The following TEAD1 variants were observed in gnomAD, a reference collection of about 807,000 sequenced individuals.
TEAD1 encodes the protein TEA domain transcription factor 1, also known as transcriptional enhancer factor TEF-1.
A neutral mutation model predicts 54.9 loss-of-function variants in TEAD1; 9 were observed. The ratio of observed to expected loss-of-function variants is 0.16; its 90% CI spans 0.10 to 0.29. TEAD1 has a LOEUF of 0.29. Ranked by LOEUF, TEAD1 falls within the 10% of genes least tolerant of loss-of-function variation. The pLI is 1.00. For missense variants in TEAD1, 387 were observed against 535.9 expected, an observed-to-expected ratio of 0.72 and a Z score of 2.74; for synonymous variants, 200 against 187.8, an observed-to-expected ratio of 1.07 and a Z score of -0.53.
intron 2 of TEAD1, among the ~76,000 whole-genome samples, chr11:12,687,819 G>A (rs1325123814): frequency 6.6e-6 from 1 of 152,120 alleles, no homozygotes; most frequent in Non-Finnish European, 1.5e-5. Context: ...CCAGGACTGT[G>A]GGGACCAGTA....
intron 9 of TEAD1, among the ~76,000 whole-genome samples, chr11:12,884,627 A>G (rs1230064323): frequency 6.6e-6 from 1 of 152,168 alleles, no homozygotes; most frequent in Non-Finnish European, 1.5e-5. Context: ...TCCACAAATC[A>G]TGAACTTTGG....
intron 2 of TEAD1, among the ~76,000 whole-genome samples, chr11:12,679,220 C>A (rs971391718): frequency 6.6e-6 from 1 of 152,118 alleles, no homozygotes; most frequent in African/African-American, 2.4e-5. Context: ...GGGTGTGTTA[C>A]ATGCACTACA....
chr11:12,907,589 A>T (rs534214795), intron 10 of TEAD1, among the ~76,000 whole-genome samples: 98 of 152,282 alleles, frequency 6.4e-4, no homozygotes, highest in African/African-American at 2.3e-3. Flanking sequence ...ATTTTGCAGG[A>T]ATGGAAGGGA....
chr11:12,681,433 G>T (rs963765640), intron 2 of TEAD1, among the ~76,000 whole-genome samples: 6 of 152,144 alleles, frequency 3.9e-5, no homozygotes, highest in African/African-American at 1.4e-4. Flanking sequence ...TTGAAATCAG[G>T]GAATGTGCCA....
At chr11:12,926,759 C>T (rs982022528) in intron 11 of TEAD1, among the ~76,000 whole-genome samples, 1 of 152,080 alleles carries the variant, frequency 6.6e-6, no homozygotes, top group African/African-American at 2.4e-5. Context: ...AACAGAAGAA[C>T]AGAGGACAAA....
At chr11:12,692,601 C>T (rs192166733) in intron 2 of TEAD1, among the ~76,000 whole-genome samples, 2 of 152,292 alleles carry the variant, frequency 1.3e-5, no homozygotes, top group Non-Finnish European at 2.9e-5. Flanking sequence ...TTCCCCCCCG[C>T]CCCCGCTTTC....
rs1944686438 is a variant in TEAD1 at position 12,743,484 on chromosome 11, T to C, written c.-54-20695T>C. Among the ~76,000 whole-genome samples, 3 of 152,340 alleles carry C rather than the reference T, an allele frequency of 2.0e-5. No homozygotes were observed. The South Asian group carries it at 6.2e-4, about 32-fold the overall frequency. On this transcript the variant is annotated intron_variant, in intron 2 of 12. Coordinates refer to ENST00000527636, the MANE Select transcript of TEAD1 (RefSeq NM_021961.6). ...ATCCTTGGGGAACCAATATAATTAG[T>C]ATTAGAACTAGGTTCATGAATCTTA...
At chr11:12,936,835 A>T (rs1347660589) in intron 12 of TEAD1, among the ~76,000 whole-genome samples, 1 of 152,210 alleles carries the variant, frequency 6.6e-6, no homozygotes, top group East Asian at 1.9e-4. Flanking sequence ...AAAAACAAAA[A>T]CACAAATGTG....
At chr11:12,676,004 A>G (rs1424232399) in intron 2 of TEAD1, among the ~76,000 whole-genome samples, 4 of 152,210 alleles carry the variant, frequency 2.6e-5, no homozygotes, top group Non-Finnish European at 4.4e-5. Flanking sequence ...TGCAGAAATG[A>G]AAATTGACCT....
chr11:12,702,207 G>A (rs1159634657), intron 2 of TEAD1, among the ~76,000 whole-genome samples: 1 of 152,174 alleles, frequency 6.6e-6, no homozygotes, highest in African/African-American at 2.4e-5. Context: ...TTCAACCCTT[G>A]GTGCCATGGC....
At chr11:12,929,605 T>C (rs1948976395) in intron 11 of TEAD1, among the ~76,000 whole-genome samples, 1 of 152,156 alleles carries the variant, frequency 6.6e-6, no homozygotes, top group African/African-American at 2.4e-5. Context: ...TTTTCTTAAT[T>C]CCTTTTGATC....
Position 12,689,419 on chromosome 11 carries a change from C to A in TEAD1, c.-55+13858C>A, listed in dbSNP as rs553694483. Reference sequence around the variant, plus strand: ...CACTTATCTGTTTGACCTTGGGCAACCTCTTTATCCTTCTGAAGCACAGTT... The same window carrying A: ...CACTTATCTGTTTGACCTTGGGCAAACTCTTTATCCTTCTGAAGCACAGTT... On this transcript the variant is annotated intron_variant, in intron 2 of 12. Transcript: ENST00000527636. Among the ~76,000 whole-genome samples, 7 of 152,350 alleles carry A rather than the reference C, an allele frequency of 4.6e-5. No individual in the cohort carries two copies. In the South Asian group the frequency reaches 1.2e-3, roughly 27 times the overall value.
At chr11:12,738,939 G>T (rs182337181) in intron 2 of TEAD1, among the ~76,000 whole-genome samples, 14 of 152,292 alleles carry the variant, frequency 9.2e-5, no homozygotes, top group Non-Finnish European at 2.1e-4. Flanking sequence ...GTTGGCAGAG[G>T]TGCTCTGATA....
chr11:12,842,195 G>A (rs942928776), intron 3 of TEAD1, among the ~76,000 whole-genome samples: 2 of 152,248 alleles, frequency 1.3e-5, no homozygotes, highest in African/African-American at 4.8e-5. Flanking sequence ...GTTCTCAGGG[G>A]GCTCTTAGCT....
At chr11:12,688,428 G>A (rs1235540232) in intron 2 of TEAD1, among the ~76,000 whole-genome samples, 1 of 152,170 alleles carries the variant, frequency 6.6e-6, no homozygotes, top group Admixed American at 6.5e-5. Context: ...TCAGCTAAAA[G>A]GTGTGTGATC....
chr11:12,678,864 C>T (rs1943153487), intron 2 of TEAD1, among the ~76,000 whole-genome samples: 1 of 152,234 alleles, frequency 6.6e-6, no homozygotes, highest in South Asian at 2.1e-4. Context: ...CAAATACATT[C>T]CAGTTTTGTA....
chr11:12,720,675 G>A (rs1944176178), intron 2 of TEAD1, among the ~76,000 whole-genome samples: 1 of 152,174 alleles, frequency 6.6e-6, no homozygotes, highest in South Asian at 2.1e-4. Flanking sequence ...TGCTATGGAA[G>A]GTGCCCAATA....
intron 3 of TEAD1, among the ~76,000 whole-genome samples, chr11:12,825,315 A>G (rs748268688): frequency 2.0e-4 from 30 of 152,246 alleles, no homozygotes; most frequent in Admixed American, 2.0e-4. Flanking sequence ...TTGAGCCTGT[A>G]CTAGAAAACC....
rs182372731 is a variant in TEAD1, at chr11:12,732,402, G to A, written c.-54-31777G>A. Among the ~76,000 whole-genome samples the A allele has an allele frequency of 2.9e-4, 44 of 152,236 alleles. 1 individual carries two copies. The Middle Eastern group carries it at 0.014, about 47-fold the overall frequency. Reference sequence around the variant, plus strand: ...CACATGTGACATAGCGGATACCCAGGAAATGTTGCCATGTGAATATATATT... The same window carrying A: ...CACATGTGACATAGCGGATACCCAGAAAATGTTGCCATGTGAATATATATT... On this transcript the variant is annotated intron_variant, in intron 2 of 12. Transcript: ENST00000527636.
Sources: gnomAD v4.1 joint callset for allele counts (sites outside exome capture counted in the v4.1 genomes callset) on GRCh38, gnomAD v4.1.1 for gene constraint, MANE v1.5 for transcripts, NCBI Gene and HGNC (gene_info 2026-07-23, HGNC 2026-07-21) for gene names.